FER: variants seen among roughly 807,000 people sequenced by gnomAD.
The protein encoded by FER is FER tyrosine kinase, also known as tyrosine-protein kinase Fer.
Under a neutral mutation model 111.0 loss-of-function variants are expected in FER, and 63 were observed. The ratio of observed to expected loss-of-function variants is 0.57; its 90% CI spans 0.46 to 0.70. The LOEUF (loss-of-function observed/expected upper bound fraction) is 0.70, where lower values mean the gene tolerates loss of function less well. Among genes scored for constraint, FER ranks in the 30% least tolerant of loss-of-function variants. FER has a pLI of 0.00. For synonymous variants in FER, 327 were observed against 313.9 expected, an observed-to-expected ratio of 1.04 and a Z score of -0.44; for missense variants, 914 against 954.0, an observed-to-expected ratio of 0.96 and a Z score of 0.55.
At chr5:108,820,329 T>C in intron 3 of FER, 1 of 985,390 alleles carries the variant, frequency 1.0e-6, no homozygotes, top group South Asian at 4.7e-5. Context: ...GGTATTTTAT[T>C]CAATGCTTAA....
chr5:108,893,960 G>C (rs1243648586), intron 9 of FER, among the ~76,000 whole-genome samples: 1 of 147,704 alleles, frequency 6.8e-6, no homozygotes, highest in Non-Finnish European at 1.5e-5. Flanking sequence ...AAATTATAAA[G>C]GAAAGAGGTT....
intron 9 of FER, 71 bp downstream of exon 9, chr5:108,883,589 G>T: frequency 7.5e-7 from 1 of 1,336,620 alleles, no homozygotes; most frequent in Non-Finnish European, 1.0e-6. Flanking sequence ...TTAGTTACAT[G>T]GCAGTGTGAA....
intron 5 of FER, among the ~76,000 whole-genome samples, chr5:108,852,063 A>T (rs567678586): frequency 1.3e-5 from 2 of 152,340 alleles, no homozygotes; most frequent in East Asian, 3.9e-4. Flanking sequence ...ATGATAAATA[A>T]AAGAATGCTA....
At chr5:109,058,915 G>A (rs1774015058) in intron 16 of FER, among the ~76,000 whole-genome samples, 1 of 149,550 alleles carries the variant, frequency 6.7e-6, no homozygotes, top group South Asian at 2.1e-4. Flanking sequence ...GTATTTTTTA[G>A]TTTCACCAAA....
chr5:109,127,028 A>T (rs147743206), intron 17 of FER, among the ~76,000 whole-genome samples: 1,811 of 152,318 alleles, frequency 0.012, 18 homozygotes, highest in Non-Finnish European at 0.02. Flanking sequence ...GCCTTTCATG[A>T]AATCACGTAT....
At chr5:108,767,072 G>C (rs1203451379) in intron 1 of FER, among the ~76,000 whole-genome samples, 1 of 152,146 alleles carries the variant, frequency 6.6e-6, no homozygotes, top group Non-Finnish European at 1.5e-5. Flanking sequence ...AGGCCGAGAT[G>C]GGTGGTGGAT....
At chr5:108,856,388 C>A (rs577953830) in intron 5 of FER, among the ~76,000 whole-genome samples, 98 of 152,218 alleles carry the variant, frequency 6.4e-4, no homozygotes, top group African/African-American at 2.0e-3. Flanking sequence ...ATATTATCTG[C>A]TTTTTCTAGA....
At chr5:108,982,918 T>C (rs528006329) in intron 13 of FER, among the ~76,000 whole-genome samples, 3 of 152,154 alleles carry the variant, frequency 2.0e-5, no homozygotes, top group African/African-American at 7.2e-5. Flanking sequence ...TAATTTTACC[T>C]CATTGGTTCT....
In FER at chr5:109,097,601, G is replaced by C. The variant is rs529839586; in HGVS notation, c.1925-2795G>C. ...ACAAAAGAACAAGTTGAAAAGGACA[G>C]GCTCTGCCTTCTAAAATAACTTTAC... is the stretch of plus-strand genomic sequence containing the variant. On this transcript the variant is annotated intron_variant, in intron 16 of 19. Coordinates refer to ENST00000281092, the MANE Select transcript of FER (RefSeq NM_005246.4). Among the ~76,000 whole-genome samples the C allele has an allele frequency of 3.3e-5, 5 of 151,972 alleles. No homozygotes were observed. In the South Asian group the frequency reaches 1.0e-3, roughly 31 times the overall value.
chr5:109,113,560 C>CT (rs1434176867), intron 17 of FER, among the ~76,000 whole-genome samples: 4 of 152,138 alleles, frequency 2.6e-5, no homozygotes, highest in Admixed American at 6.6e-5. Context: ...ACTCTTCAAG[C>CT]TACTGAGTTC....
chr5:108,749,920 C>A (rs1026729573), intron 1 of FER, among the ~76,000 whole-genome samples: 1 of 152,172 alleles, frequency 6.6e-6, no homozygotes, highest in South Asian at 2.1e-4. Flanking sequence ...TGTACGTTTG[C>A]GATTTTGCCA....
rs1281295124 is a variant in FER at position 108,748,943 on chromosome 5, G to A, written c.-206+943G>A. The A allele has an allele frequency of 6.5e-5, 10 of 153,180 alleles. No individual in the cohort carries two copies. The Admixed American group carries it at 6.5e-4, about 10-fold the overall frequency. The allele number at this position is 153,180 out of a possible 1,614,324, so 9.5% of individuals were successfully genotyped here. On this transcript the variant is annotated intron_variant, in intron 1 of 19. Coordinates refer to ENST00000281092, the MANE Select transcript of FER (RefSeq NM_005246.4). ...TGGCTGTGGCAGCCCCCGTGACGCG[G>A]GGTGGTGACTGGCTCCGGAGTCTGA...
intron 17 of FER, among the ~76,000 whole-genome samples, chr5:109,160,323 C>G (rs1222197699): frequency 6.6e-6 from 1 of 152,126 alleles, no homozygotes; most frequent in African/African-American, 2.4e-5. Context: ...TCCTGTCCAC[C>G]AGGAAACCTT....
rs1387247826 is a variant in FER at position 108,872,132 on chromosome 5, T to A, written c.843T>A (p.Thr281=). Residue 281 remains threonine (T), a synonymous_variant, in exon 8 of 20, where the codon ACT becomes ACA. Transcript: ENST00000281092. ...AAGAACAAGAAATAGAGTTTGATACTTCCTTACTGGAAGAAAATGAAAATC... is the reference window on the plus strand; with the variant it reads ...AAGAACAAGAAATAGAGTTTGATACATCCTTACTGGAAGAAAATGAAAATC... ...AAKEQEIEFD[T]SLLEENENLQ... 6.2e-7 allele frequency: 1 copy of A among 1,611,582 alleles called. No homozygotes were observed. The highest frequency in any genetic ancestry group is 8.5e-7 in the Non-Finnish European group (1 of 1,178,792).
intron 16 of FER, among the ~76,000 whole-genome samples, 182 bp from the exon 17 acceptor site, chr5:109,100,214 T>G (rs771213857): frequency 2.0e-5 from 3 of 151,780 alleles, no homozygotes; most frequent in Non-Finnish European, 1.5e-5. Flanking sequence ...GGTGTCTGTT[T>G]TCTAATATGT....
At chr5:108,866,405 A>G (rs1764065973) in intron 5 of FER, among the ~76,000 whole-genome samples, 1 of 152,144 alleles carries the variant, frequency 6.6e-6, no homozygotes, top group South Asian at 2.1e-4. Context: ...TGGACACAGG[A>G]AGGGGAACAT....
intron 3 of FER, among the ~76,000 whole-genome samples, chr5:108,803,666 G>A (rs552301305): frequency 2.4e-4 from 36 of 150,980 alleles, no homozygotes; most frequent in Admixed American, 9.2e-4. Context: ...TAATTTCTGT[G>A]TTTTCTAATC....
At chr5:108,900,261 C>T (rs915319342) in intron 10 of FER, among the ~76,000 whole-genome samples, 4 of 152,142 alleles carry the variant, frequency 2.6e-5, no homozygotes, top group African/African-American at 9.7e-5. Flanking sequence ...TTACAATGCC[C>T]AATTCCTAAA....
intron 16 of FER, among the ~76,000 whole-genome samples, chr5:109,055,977 T>C (rs1441206487): frequency 6.6e-6 from 1 of 151,970 alleles, no homozygotes; most frequent in African/African-American, 2.4e-5. Context: ...ATACGATAGG[T>C]GCTCAACATT....
Sources: gnomAD v4.1 joint callset for allele counts (sites outside exome capture counted in the v4.1 genomes callset) on GRCh38, gnomAD v4.1.1 for gene constraint, MANE v1.5 for transcripts, NCBI Gene and HGNC (gene_info 2026-07-23, HGNC 2026-07-21) for gene names.